The following DLG2 variants were observed in gnomAD, a reference collection of about 807,000 sequenced individuals.
DLG2 encodes the protein discs large MAGUK scaffold protein 2.
Under a neutral mutation model 132.5 loss-of-function variants are expected in DLG2, and 45 were observed. The observed-to-expected ratio is 0.34, with a 90% confidence interval of 0.27 to 0.44. The LOEUF is 0.44. Ranked by LOEUF, DLG2 falls within the 20% of genes least tolerant of loss-of-function variation. The pLI is 1.00. For synonymous variants in DLG2, 424 were observed against 419.6 expected, an observed-to-expected ratio of 1.01 and a Z score of -0.13; for missense variants, 1,045 against 1,196.9, an observed-to-expected ratio of 0.87 and a Z score of 1.87.
At chr11:83,660,309 C>T (rs955782122) in intron 18 of DLG2, among the ~76,000 whole-genome samples, 3 of 152,180 alleles carry the variant, frequency 2.0e-5, no homozygotes, top group Non-Finnish European at 4.4e-5. Flanking sequence ...GGTCATAAGT[C>T]AGCAGACTGC....
chr11:84,657,306 C>T (rs1384841333), intron 6 of DLG2, among the ~76,000 whole-genome samples: 4 of 152,074 alleles, frequency 2.6e-5, no homozygotes, highest in Admixed American at 2.0e-4. Flanking sequence ...CAAGCAATGG[C>T]AAACAGGGGC....
At chr11:84,496,907 C>A (rs1349266300) in intron 7 of DLG2, among the ~76,000 whole-genome samples, 1 of 152,068 alleles carries the variant, frequency 6.6e-6, no homozygotes, top group African/African-American at 2.4e-5. Context: ...ATACTTCATT[C>A]TATTTACTTA....
At chr11:84,116,842 G>C (rs1365966211) in intron 9 of DLG2, among the ~76,000 whole-genome samples, 2 of 152,180 alleles carry the variant, frequency 1.3e-5, no homozygotes, top group Non-Finnish European at 2.9e-5. Context: ...CAAGTGAAAC[G>C]TGCATTGGCT....
At chr11:84,252,393 C>G (rs1173000798) in intron 7 of DLG2, among the ~76,000 whole-genome samples, 1 of 151,904 alleles carries the variant, frequency 6.6e-6, no homozygotes, top group Admixed American at 6.6e-5. Context: ...CGTGATTCGC[C>G]CGCCTCAGCC....
intron 7 of DLG2, among the ~76,000 whole-genome samples, chr11:84,259,778 T>C (rs2097528945): frequency 6.6e-6 from 1 of 152,098 alleles, no homozygotes. Flanking sequence ...AATATTACCC[T>C]CACTTTCAGA....
At chr11:85,136,780 T>G (rs1041772790) in intron 5 of DLG2, among the ~76,000 whole-genome samples, 1 of 152,174 alleles carries the variant, frequency 6.6e-6, no homozygotes, top group Non-Finnish European at 1.5e-5. Context: ...CCAGTCAGTG[T>G]CTATTCTAGA....
intron 15 of DLG2, among the ~76,000 whole-genome samples, chr11:83,921,954 T>C (rs2078015592): frequency 6.6e-6 from 1 of 152,144 alleles, no homozygotes; most frequent in African/African-American, 2.4e-5. Context: ...CTGGTTTCAC[T>C]TCCCAACTCT....
At chr11:85,177,421 C>G (rs1192205216) in intron 4 of DLG2, among the ~76,000 whole-genome samples, 2 of 151,940 alleles carry the variant, frequency 1.3e-5, no homozygotes, top group Non-Finnish European at 2.9e-5. Flanking sequence ...AACACAGGAA[C>G]AGAAAACCAA....
At chr11:83,918,205 CT>C (rs1453099717) in intron 15 of DLG2, among the ~76,000 whole-genome samples, 1 of 152,098 alleles carries the variant, frequency 6.6e-6, no homozygotes, top group East Asian at 1.9e-4. Context: ...ATTAGGGGGC[CT>C]TTTACAGAGA....
intron 7 of DLG2, among the ~76,000 whole-genome samples, chr11:84,526,823 G>A: frequency 7.3e-6 from 1 of 136,410 alleles, no homozygotes; most frequent in Non-Finnish European, 1.5e-5. Context: ...CTGTCGCCCA[G>A]GCTGGAGTGC....
chr11:85,155,293 A>C (rs1281471281), intron 4 of DLG2, among the ~76,000 whole-genome samples: 2 of 152,214 alleles, frequency 1.3e-5, no homozygotes, highest in Non-Finnish European at 2.9e-5. Flanking sequence ...AGATGTTGAT[A>C]GTCTACTGCT....
At chr11:84,236,061 A>AC (rs1282160575) in intron 8 of DLG2, among the ~76,000 whole-genome samples, 6 of 151,866 alleles carry the variant, frequency 4.0e-5, no homozygotes, top group South Asian at 2.1e-4. Context: ...AAAAAAAAAA[A>AC]AAACAACTAA....
chr11:83,938,111 T>C (rs2081904373), intron 14 of DLG2, among the ~76,000 whole-genome samples: 1 of 152,230 alleles, frequency 6.6e-6, no homozygotes, highest in African/African-American at 2.4e-5. Flanking sequence ...ATAAGACACA[T>C]TCACATGACG....
intron 6 of DLG2, among the ~76,000 whole-genome samples, chr11:84,725,272 A>G (rs908039330): frequency 1.3e-5 from 2 of 152,160 alleles, no homozygotes; most frequent in African/African-American, 4.8e-5. Flanking sequence ...ACTCTTTGAG[A>G]GAATTCTTCC....
At chr11:84,820,644 G>A (rs1190972109) in intron 6 of DLG2, among the ~76,000 whole-genome samples, 1 of 151,732 alleles carries the variant, frequency 6.6e-6, no homozygotes, top group African/African-American at 2.4e-5. Flanking sequence ...TCTGTCCAGT[G>A]CACCTTGGTT....
intron 3 of DLG2, among the ~76,000 whole-genome samples, chr11:85,497,439 A>G (rs1200831304): frequency 6.6e-6 from 1 of 152,158 alleles, no homozygotes; most frequent in Non-Finnish European, 1.5e-5. Flanking sequence ...GAACAGGCCA[A>G]ATCTACAGTT....
In DLG2 at chr11:85,528,913, C is replaced by A. The variant is rs544302667; in HGVS notation, c.40+69744G>T. 1.1e-4 allele frequency among the ~76,000 whole-genome samples: 17 copies of A among 152,160 alleles called. No individual in the cohort carries two copies. In the South Asian group the frequency reaches 3.1e-3, roughly 28 times the overall value. ...AGGGAAATACAGAGGTGTGCCTATA[C>A]AACAAAACTAGAAACAACTCATGTT... On this transcript the variant is annotated intron_variant, in intron 3 of 27. Coordinates refer to ENST00000376104, the MANE Select transcript of DLG2 (RefSeq NM_001142699.3).
intron 18 of DLG2, among the ~76,000 whole-genome samples, chr11:83,678,372 A>T (rs1455024293): frequency 6.6e-6 from 1 of 152,242 alleles, no homozygotes; most frequent in African/African-American, 2.4e-5. Flanking sequence ...TTTGGGACCC[A>T]GAACAAGAAC....
At chr11:84,227,248 A>C (rs1307799396) in intron 8 of DLG2, among the ~76,000 whole-genome samples, 1 of 152,156 alleles carries the variant, frequency 6.6e-6, no homozygotes, top group East Asian at 1.9e-4. Context: ...GAAATGAAAG[A>C]AAAAGACATA....
Sources: allele counts gnomAD v4.1 joint callset (sites outside exome capture counted in the v4.1 genomes callset), GRCh38; gene constraint gnomAD v4.1.1; transcripts MANE v1.5; gene names NCBI Gene and HGNC (gene_info 2026-07-23, HGNC 2026-07-21).